The following ADD1 variants were observed in gnomAD, a reference collection of about 807,000 sequenced individuals.
ADD1 encodes alpha-adducin.
ADD1 carries 24 observed loss-of-function variants against 80.5 expected under a neutral mutation model. The observed-to-expected ratio is 0.30, with a 90% CI of 0.22 to 0.42. The LOEUF (loss-of-function observed/expected upper bound fraction) is 0.42, where lower values mean the gene tolerates loss of function less well. ADD1 is among the 10% of genes least tolerant of loss of function. ADD1 has a pLI of 1.00. For missense variants in ADD1, 948 were observed against 1,019.0 expected, an observed-to-expected ratio of 0.93 and a Z score of 0.95; for synonymous variants, 373 against 393.8, an observed-to-expected ratio of 0.95 and a Z score of 0.63.
chr4:2,889,480 A>G (rs1450703580), intron 4 of ADD1, among the ~76,000 whole-genome samples: 1 of 152,214 alleles, frequency 6.6e-6, no homozygotes, highest in Non-Finnish European at 1.5e-5. Flanking sequence ...AAAAGAAAAG[A>G]TGGATAAATT....
At chr4:2,893,433 C>T (rs1046865152) in intron 4 of ADD1, among the ~76,000 whole-genome samples, 2 of 151,922 alleles carry the variant, frequency 1.3e-5, no homozygotes, top group African/African-American at 2.4e-5. Context: ...GCCAGCATGG[C>T]GAAACCCTGT....
chr4:2,892,361 G>T (rs1734431463), intron 4 of ADD1, among the ~76,000 whole-genome samples: 1 of 152,158 alleles, frequency 6.6e-6, no homozygotes, highest in Non-Finnish European at 1.5e-5. Context: ...AAACTAGAAT[G>T]AATATTTTTG....
rs548342017 is a variant in ADD1 at position 2,926,354 on chromosome 4, G to C, written c.2047+242G>C. ...GCCTCGGGGGTCGGAACCCACCATG[G>C]TTGCTGGTGTCCACGTTGCCCATTG... On this transcript the variant is annotated intron_variant, in intron 15 of 15. Transcript: ENST00000683351. This position sits in a 1 kb window ranked among gnomAD's most constrained non-coding sequence, Gnocchi z 5.0. 7.4e-5 allele frequency: 52 copies of C among 701,820 alleles called. No homozygotes were observed. Among genetic ancestry groups the C allele is most frequent in the Non-Finnish European group, 1.3e-4 (49 of 385,964 alleles). 43.5% of individuals were successfully genotyped at this position (701,820 alleles called of 1,614,324 possible). A position where few individuals can be genotyped will look rare whatever the true frequency, so the allele number is the denominator to read the frequency against.
intron 2 of ADD1, among the ~76,000 whole-genome samples, chr4:2,878,215 C>T (rs913872407): frequency 6.6e-5 from 10 of 152,030 alleles, no homozygotes; most frequent in South Asian, 2.1e-4. Context: ...AAAGGACAAA[C>T]GGTATTTTAA....
chr4:2,848,848 G>T (rs1408817238), intron 1 of ADD1, among the ~76,000 whole-genome samples: 1 of 152,088 alleles, frequency 6.6e-6, no homozygotes, highest in African/African-American at 2.4e-5. Flanking sequence ...CACTTATGAG[G>T]TACATCTATA....
intron 15 of ADD1, 146 bp from the exon 16 acceptor site, chr4:2,928,025 T>C (rs888883069): frequency 3.0e-5 from 22 of 745,572 alleles, no homozygotes; most frequent in Non-Finnish European, 5.0e-5. Flanking sequence ...TACAGTAGAG[T>C]AGACCATATT....
intron 6 of ADD1, among the ~76,000 whole-genome samples, chr4:2,896,859 A>G (rs1577617961): frequency 6.6e-6 from 1 of 152,192 alleles, no homozygotes; most frequent in African/African-American, 2.4e-5. Flanking sequence ...CCTGGGTTCA[A>G]ACGATTCTCC....
chr4:2,884,439 C>T (rs902575071), intron 3 of ADD1, 76 bp from the exon 4 acceptor site: 5 of 1,215,546 alleles, frequency 4.1e-6, no homozygotes, highest in Non-Finnish European at 3.4e-6. Context: ...GATCCTCCTG[C>T]CTTAGCCTTC....
intron 15 of ADD1, among the ~76,000 whole-genome samples, chr4:2,927,034 C>T (rs1711834841): frequency 1.3e-5 from 2 of 152,258 alleles, no homozygotes; most frequent in South Asian, 4.1e-4. Context: ...GTTCTGCCAC[C>T]TGCCGTGTGG....
At chr4:2,907,957 C>T (rs1442058930) in intron 11 of ADD1, 113 bp downstream of exon 11, 1 of 807,336 alleles carries the variant, frequency 1.2e-6, no homozygotes, top group Admixed American at 1.9e-5. Context: ...GCTGTTGTTG[C>T]CACTGTTGCA....
Position 2,856,594 on chromosome 4 carries a change from T to G in ADD1, c.-21+12570T>G, listed in dbSNP as rs1318855888. On this transcript the variant is annotated intron_variant, in intron 1 of 15. Transcript: ENST00000683351. ...TAAATGGTTACTAGAGTTTTTTTTTTTTTTTTTTTTTTCCTGAGACGGGGT... is the reference window on the plus strand; with the variant it reads ...TAAATGGTTACTAGAGTTTTTTTTTGTTTTTTTTTTTTCCTGAGACGGGGT... 5.4e-5 allele frequency among the ~76,000 whole-genome samples: 8 copies of G among 148,724 alleles called. No homozygotes were observed. In the South Asian group the frequency reaches 6.4e-4, roughly 12 times the overall value.
intron 11 of ADD1, among the ~76,000 whole-genome samples, chr4:2,908,146 G>C (rs1375155171): frequency 6.6e-6 from 1 of 152,266 alleles, no homozygotes; most frequent in Non-Finnish European, 1.5e-5. Context: ...CCCTTTCAGG[G>C]TTCGTTCAAA....
At position 2,928,534 on chromosome 4, in the gene ADD1, C is replaced by T. The variant is rs764565512; in HGVS notation, c.*11C>T. 6.2e-7 allele frequency: 1 copy of T among 1,611,096 alleles called. No individual in the cohort carries two copies. The highest frequency in any genetic ancestry group is 1.1e-5 in the South Asian group (1 of 90,916). On this transcript the variant is annotated 3_prime_UTR_variant, in exon 16 of 16. Coordinates refer to ENST00000683351, the MANE Select transcript of ADD1 (RefSeq NM_001354761.2). ...AAGAGTGACTCCTGAAAGCCCTGCG[C>T]TAACACTGTCCTGTCCGGAGCGACC...
chr4:2,906,168 G>A (rs1024045232), intron 10 of ADD1, among the ~76,000 whole-genome samples: 2 of 152,312 alleles, frequency 1.3e-5, no homozygotes, highest in East Asian at 3.9e-4. Context: ...AGGTGGTCCT[G>A]GTGTTTTCCT....
chr4:2,865,468 C>T (rs1002164759), intron 1 of ADD1, among the ~76,000 whole-genome samples: 11 of 152,222 alleles, frequency 7.2e-5, no homozygotes, highest in African/African-American at 2.2e-4. Context: ...ACGTTTTTCT[C>T]AGTTCACTTA....
chr4:2,882,015 G>GTC lies in ADD1; in HGVS notation c.315_316dup (p.Tyr106SerfsTer13). The GTC allele has an allele frequency of 6.2e-7, 1 of 1,613,306 alleles. No homozygotes were observed. The highest frequency in any genetic ancestry group is 8.5e-7 in the Non-Finnish European group (1 of 1,179,802). Reference sequence around the variant, plus strand: ...TTTTATGACCACGAATGTACCAAATGTCTACCCAGCAGCTCCGCAAGGAGG... The same window carrying GTC: ...TTTTATGACCACGAATGTACCAAATGTCTCTACCCAGCAGCTCCGCAAGGAGG... On this transcript the variant is annotated frameshift_variant, in exon 3 of 16. Transcript: ENST00000683351. LOFTEE classifies it high-confidence loss of function.
chr4:2,928,231 TC>T lies in ADD1; in HGVS notation c.2112del (p.Asp705IlefsTer16). On this transcript the variant is annotated frameshift_variant, in exon 16 of 16. Coordinates refer to ENST00000683351, the MANE Select transcript of ADD1 (RefSeq NM_001354761.2). LOFTEE classifies it low-confidence loss of function (END_TRUNC). ...DSDAATFKPTLPDLSPDEPSE... is the reference protein window; with the variant it reads ...DSDAATFKPTXPDLSPDEPSE... ...GATGCTGCCACCTTTAAGCCAACTC[TC>T]CCCGATCTGTCCCCTGATGAACCTT... 1 of 1,613,882 alleles carries T rather than the reference TC, an allele frequency of 6.2e-7. No homozygotes were observed. Among genetic ancestry groups the T allele is most frequent in the South Asian group, 1.1e-5 (1 of 91,062 alleles).
intron 14 of ADD1, among the ~76,000 whole-genome samples, chr4:2,917,537 A>G (rs1291887677): frequency 6.6e-6 from 1 of 152,170 alleles, no homozygotes; most frequent in Non-Finnish European, 1.5e-5. Flanking sequence ...TAGTTTAATT[A>G]GATCCCATTT....
intron 1 of ADD1, among the ~76,000 whole-genome samples, chr4:2,873,697 T>C (rs1013020102): frequency 1.3e-5 from 2 of 152,240 alleles, no homozygotes; most frequent in Non-Finnish European, 2.9e-5. Context: ...TTGGGACTCA[T>C]AATGATTTTC....
Sources: allele counts gnomAD v4.1 joint callset (sites outside exome capture counted in the v4.1 genomes callset), GRCh38; gene constraint gnomAD v4.1.1; non-coding constraint Gnocchi (gnomAD v3.1); transcripts MANE v1.5; gene names NCBI Gene and HGNC (gene_info 2026-07-23, HGNC 2026-07-21).